Variants in MUC5B observed in about 807,000 individuals in gnomAD.
MUC5B encodes the protein mucin-5B.
In MUC5B, 116 loss-of-function variants were observed where a neutral mutation model predicts 376.9. The ratio of observed to expected loss-of-function variants is 0.31; its 90% CI spans 0.26 to 0.36. MUC5B has a LOEUF of 0.36. Among genes scored for constraint, MUC5B ranks in the 10% least tolerant of loss-of-function variants. The pLI is 1.00. For synonymous variants in MUC5B, 3,517 were observed against 3,390.9 expected (o/e 1.04, Z -1.29); for missense variants, 7,165 against 7,769.9 (o/e 0.92, Z 2.93).
intron 24 of MUC5B, 106 bp from the exon 25 acceptor site, chr11:1,236,819 C>G: frequency 7.4e-7 from 1 of 1,347,642 alleles, no homozygotes; most frequent in South Asian, 1.7e-5. Context: ...CGGCTGCCCT[C>G]CCTCCATCCC....
intron 15 of MUC5B, 65 bp from the exon 16 acceptor site, chr11:1,232,385 G>A (rs1245355504): frequency 1.3e-6 from 2 of 1,510,244 alleles, no homozygotes; most frequent in Non-Finnish European, 1.8e-6. Context: ...GGGGTCGCAG[G>A]CCTGCGTGTC....
rs55684014 is a variant in MUC5B, at chr11:1,229,353, C to A, written c.1102+58C>A. The A allele has an allele frequency of 6.8e-6, 10 of 1,466,188 alleles. No individual in the cohort carries two copies. In the African/African-American group the frequency reaches 9.8e-5, roughly 14 times the overall value. 90.8% of individuals were successfully genotyped at this position (1,466,188 alleles called of 1,614,324 possible). A position where few individuals can be genotyped will look rare whatever the true frequency, so the allele number is the denominator to read the frequency against. On this transcript the variant is annotated intron_variant, in intron 9 of 48. Coordinates refer to ENST00000529681, the MANE Select transcript of MUC5B (RefSeq NM_002458.3). The stretch of plus-strand genomic sequence containing the variant: ...GCTTTCAGGTCCCTGCTCCCAACCC[C>A]GCCCCCAGCCTCATCAGGCGTGGAA...
rs562331900 is a variant in MUC5B, at chr11:1,230,576, G to A, written c.1446G>A (p.Thr482=). The change falls in exon 12 of 49, where the codon ACG becomes ACA. Residue 482 remains threonine (T), a synonymous_variant. Coordinates refer to ENST00000529681, the MANE Select transcript of MUC5B (RefSeq NM_002458.3). ...TDNENCLKAV[T]LSLDGGDTAI... is the part of the protein sequence containing the mutation. ...ACGAGAACTGCCTGAAAGCGGTGAC[G>A]CTCAGCCTGGACGGCGGGGACACGG... is the stretch of plus-strand genomic sequence containing the variant. 1.2e-5 allele frequency: 20 copies of A among 1,610,270 alleles called. No individual in the cohort carries two copies. The highest frequency in any genetic ancestry group is 6.7e-5 in the African/African-American group (5 of 75,040).
intron 1 of MUC5B, 43 bp downstream of exon 1, chr11:1,223,236 G>A (rs1017900885): frequency 2.1e-5 from 15 of 705,580 alleles, no homozygotes; most frequent in African/African-American, 1.4e-4. Context: ...CTGTCTTCAC[G>A]GCGGGGGTCT....
Position 1,249,642 on chromosome 11 carries a change from C to T in MUC5B, c.12762C>T (p.Thr4254=), listed in dbSNP as rs1862609799. The T allele has an allele frequency of 6.2e-7, 1 of 1,611,618 alleles. No homozygotes were observed. The highest frequency in any genetic ancestry group is 1.3e-5 in the African/African-American group (1 of 74,694). ...CGACCTGGATCCTCACAGAGCTGACCACAACAGCCACTACGACTGCATCCA... is the reference window on the plus strand; with the variant it reads ...CGACCTGGATCCTCACAGAGCTGACTACAACAGCCACTACGACTGCATCCA... ...PGTTWILTEL[T]TTATTTASTG... Residue 4254 remains threonine (T), a synonymous_variant, in exon 31 of 49, where the codon ACC becomes ACT. Coordinates refer to ENST00000529681, the MANE Select transcript of MUC5B (RefSeq NM_002458.3).
In MUC5B at chr11:1,244,976, C is replaced by A; in HGVS notation, c.8096C>A (p.Ala2699Asp). The stretch of plus-strand genomic sequence containing the variant: ...ACCACCACGGCCACTACGATCACGG[C>A]CACCGGCTCCACCACCAACCCCTCC... ...SLTTTATTITATGSTTNPSST... is the reference protein window; with the variant it reads ...SLTTTATTITDTGSTTNPSST... The change falls in exon 31 of 49, where the codon GCC becomes GAC. Residue 2699 changes from alanine to aspartate, a missense_variant. Physicochemically the swap from Ala to Asp is moderately radical, Grantham distance 126. Around this residue, in one of 31 missense-constraint regions of MUC5B, gnomAD observed 70 missense variants for 169.1 expected, o/e 0.41. Transcript: ENST00000529681. The A allele has an allele frequency of 2.6e-6, 4 of 1,557,342 alleles. No individual in the cohort carries two copies. Among genetic ancestry groups the A allele is most frequent in the South Asian group, 1.2e-5 (1 of 85,360 alleles).
At position 1,241,920 on chromosome 11, in the gene MUC5B, C is replaced by A. The variant is rs369499471; in HGVS notation, c.5040C>A (p.Ser1680=). 258 of 1,609,446 alleles carry A rather than the reference C, an allele frequency of 1.6e-4. No individual in the cohort carries two copies. The highest frequency in any genetic ancestry group is 2.1e-4 in the Non-Finnish European group (246 of 1,178,202). ...GAGGCCCCACGACGCCTGCAGGCTCCACAGAACCCACTGTCCCAGGGGTGG... is the reference window on the plus strand; with the variant it reads ...GAGGCCCCACGACGCCTGCAGGCTCAACAGAACCCACTGTCCCAGGGGTGG... ...TTGGPTTPAG[S]TEPTVPGVAT... The change falls in exon 31 of 49, where the codon TCC becomes TCA. Residue 1680 remains serine (S), a synonymous_variant. Coordinates refer to ENST00000529681, the MANE Select transcript of MUC5B (RefSeq NM_002458.3).
Position 1,260,697 on chromosome 11 carries a change from T to G in MUC5B, c.17038T>G (p.Phe5680Val). Reference protein sequence around the residue: ...QGCETEVNITFCEGSCPGASK... With the variant: ...QGCETEVNITVCEGSCPGASK... ...CTGCGAGACCGAGGTCAACATCACC[T>G]TCTGCGAGGGCTCCTGCCCCGGAGC... is the stretch of plus-strand genomic sequence containing the variant. Residue 5680 changes from phenylalanine (F) to valine (V), a missense_variant, in exon 48 of 49, where the codon TTC becomes GTC. By Grantham distance (50) the Phe-to-Val change is conservative. Around this residue, in one of 31 missense-constraint regions of MUC5B, gnomAD observed 842 missense variants for 1,016.9 expected, o/e 0.83. Coordinates refer to ENST00000529681, the MANE Select transcript of MUC5B (RefSeq NM_002458.3). 6.2e-7 allele frequency: 1 copy of G among 1,612,220 alleles called. No homozygotes were observed. The highest frequency in any genetic ancestry group is 8.5e-7 in the Non-Finnish European group (1 of 1,179,662).
intron 1 of MUC5B, 128 bp from the exon 2 acceptor site, chr11:1,225,553 G>A (rs558478729): frequency 1.9e-5 from 15 of 798,714 alleles, no homozygotes; most frequent in Non-Finnish European, 2.0e-5. Context: ...AACCTGCAGG[G>A]CATGGAGACC....
At position 1,244,820 on chromosome 11, in the gene MUC5B, T is replaced by C; in HGVS notation, c.7940T>C (p.Val2647Ala). The C allele has an allele frequency of 1.9e-6, 3 of 1,613,194 alleles. No homozygotes were observed. The highest frequency in any genetic ancestry group is 2.5e-6 in the Non-Finnish European group (3 of 1,179,614). ...TTTPTTRGST[V>A]TPSSIPGTTH... ...ACACCCACAACCAGAGGTTCCACGG[T>C]GACCCCCTCCTCCATCCCGGGGACC... The change falls in exon 31 of 49, where the codon GTG (valine) becomes GCG (alanine). Residue 2647 changes from valine (V) to alanine (A), a missense_variant. By Grantham distance (64) the Val-to-Ala change is moderately conservative. Coordinates refer to ENST00000529681, the MANE Select transcript of MUC5B (RefSeq NM_002458.3).
At position 1,234,759 on chromosome 11, in the gene MUC5B, G is replaced by T; in HGVS notation, c.2630+79G>T. 2.2e-6 allele frequency: 2 copies of T among 921,752 alleles called. No individual in the cohort carries two copies. Among genetic ancestry groups the T allele is most frequent in the East Asian group, 5.7e-5 (2 of 35,260 alleles). 57.1% of individuals were successfully genotyped at this position (921,752 alleles called of 1,614,324 possible). On this transcript the variant is annotated intron_variant, in intron 21 of 48. Transcript: ENST00000529681. This position sits in a 1 kb window ranked among gnomAD's most constrained non-coding sequence, Gnocchi z 6.3. ...GCAGCGGGTGGGGAGGCAGCGGGCA[G>T]GGAGGGCAGGGGGCGGGGAGGGCAG...
intron 45 of MUC5B, 26 bp from the exon 46 acceptor site, chr11:1,259,937 C>T: frequency 6.2e-7 from 1 of 1,612,838 alleles, no homozygotes. Flanking sequence ...CCCTACTCAG[C>T]TTCCACACTC....
At chr11:1,232,204 C>T (rs1459904375) in intron 15 of MUC5B, 44 bp downstream of exon 15, 16 of 1,532,050 alleles carry the variant, frequency 1.0e-5, no homozygotes, top group Non-Finnish European at 1.4e-5. Context: ...GGCTCAAGTC[C>T]CACCCAGCAC....
Position 1,232,149 on chromosome 11 carries a change from G to A in MUC5B, c.1832G>A (p.Ser611Asn). 1.2e-6 allele frequency: 2 copies of A among 1,606,838 alleles called. No individual in the cohort carries two copies. The highest frequency in any genetic ancestry group is 1.7e-6 in the Non-Finnish European group (2 of 1,176,384). The change falls in exon 15 of 49, where the codon AGT becomes AAT. Residue 611 changes from serine to asparagine, a missense_variant. By Grantham distance (46) the Ser-to-Asn change is conservative (BLOSUM62 1). Coordinates refer to ENST00000529681, the MANE Select transcript of MUC5B (RefSeq NM_002458.3). ...AGCTTTGAGGACCCCTGCTCCCTCA[G>A]TGTGGAGAATGGTACTCCTCGCCCC... is the stretch of plus-strand genomic sequence containing the variant. Reference protein sequence around the residue: ...RNSFEDPCSLSVENENYARHW... With the variant: ...RNSFEDPCSLNVENENYARHW...
At chr11:1,228,897 T>A in intron 8 of MUC5B, 132 bp downstream of exon 8, 2 of 289,246 alleles carry the variant, frequency 6.9e-6, no homozygotes, top group Admixed American at 2.0e-4. Context: ...CCAGGCATAG[T>A]GGGCAGAGGC....
chr11:1,252,538 G>A lies in MUC5B; in HGVS notation c.15045+14G>A. 6.5e-7 allele frequency: 1 copy of A among 1,530,892 alleles called. No individual in the cohort carries two copies. The highest frequency in any genetic ancestry group is 8.8e-7 in the Non-Finnish European group (1 of 1,138,856). The allele number at this position is 1,530,892 out of a possible 1,614,324, so 94.8% of individuals were successfully genotyped here. The stretch of plus-strand genomic sequence containing the variant: ...CCTCTCCGGCAGGTGGGCCCCGCCT[G>A]CCCTCCACCTCCCGTGCTGCGTGCA... On this transcript the variant is annotated intron_variant, in intron 32 of 48. Coordinates refer to ENST00000529681, the MANE Select transcript of MUC5B (RefSeq NM_002458.3).
rs368532829 is a variant in MUC5B at position 1,251,743 on chromosome 11, G to A, written c.14863G>A (p.Gly4955Arg). ...CRAFGQFFSP[G>R]EVIYNKTDRA... Reference sequence around the variant, plus strand: ...GGCATTTGGACAGTTTTTCTCGCCCGGTGAGTGCATGTGGATAACACTGCT... The same window carrying A: ...GGCATTTGGACAGTTTTTCTCGCCCAGTGAGTGCATGTGGATAACACTGCT... Residue 4955 changes from glycine (G) to arginine (R), a missense_variant and splice_region_variant, in exon 31 of 49, where the codon GGG becomes AGG. Gly to Arg is a moderately radical substitution (Grantham distance 125). Around this residue, in one of 31 missense-constraint regions of MUC5B, gnomAD observed 730 missense variants for 592.7 expected, o/e 1.23. Coordinates refer to ENST00000529681, the MANE Select transcript of MUC5B (RefSeq NM_002458.3). The A allele has an allele frequency of 5.7e-5, 90 of 1,577,560 alleles. No homozygotes were observed. The highest frequency in any genetic ancestry group is 3.2e-4 in the African/African-American group (24 of 74,468).
chr11:1,255,665 G>C, intron 37 of MUC5B, 107 bp downstream of exon 37: 1 of 106,752 alleles, frequency 9.4e-6, no homozygotes, highest in Non-Finnish European at 1.6e-5. Context: ...GCCTCTCTGA[G>C]TGTCCTGTGC....
At chr11:1,260,324 C>G in intron 46 of MUC5B, 27 bp from the exon 47 acceptor site, 7 of 1,611,160 alleles carry the variant, frequency 4.3e-6, no homozygotes, top group Non-Finnish European at 5.9e-6. Context: ...GCCCACAGCC[C>G]TGCCCCCTGT....
Sources: gnomAD v4.1 joint callset for allele counts on GRCh38, gnomAD v4.1.1 for gene constraint, gnomAD v4.1.1 regional missense constraint, Gnocchi (gnomAD v3.1) non-coding constraint, MANE v1.5 for transcripts, NCBI Gene and HGNC (gene_info 2026-07-23, HGNC 2026-07-21) for gene names.